Variants in GPATCH2 observed in about 807,000 individuals in gnomAD.
GPATCH2 encodes G-patch domain containing 2.
Under a neutral mutation model 58.0 loss-of-function variants are expected in GPATCH2, and 51 were observed. The observed-to-expected ratio is 0.88, with a 90% CI of 0.70 to 1.11. The LOEUF (loss-of-function observed/expected upper bound fraction) is 1.11. Ranked by LOEUF, GPATCH2 falls within the 50% of genes most tolerant of loss-of-function variation. GPATCH2 has a pLI of 0.00. For synonymous variants in GPATCH2, 222 were observed against 218.5 expected, an observed-to-expected ratio of 1.02 and a Z score of -0.14; for missense variants, 625 against 652.2, an observed-to-expected ratio of 0.96 and a Z score of 0.45.
chr1:217,548,781 C>T (rs1400136404), intron 5 of GPATCH2, among the ~76,000 whole-genome samples: 1 of 152,092 alleles, frequency 6.6e-6, no homozygotes, highest in Non-Finnish European at 1.5e-5. Flanking sequence ...TGGCATTTCC[C>T]CTGCTGGCAC....
intron 5 of GPATCH2, among the ~76,000 whole-genome samples, chr1:217,523,943 C>CG (rs1425257643): frequency 5.5e-5 from 7 of 127,318 alleles, no homozygotes; most frequent in African/African-American, 8.4e-5. Flanking sequence ...GTTGGCCGGG[C>CG]GGGGGGCTGA....
intron 5 of GPATCH2, among the ~76,000 whole-genome samples, chr1:217,531,847 T>A (rs527608246): frequency 1.9e-4 from 29 of 152,302 alleles, no homozygotes; most frequent in African/African-American, 5.1e-4. Context: ...GCAGGATATA[T>A]CATATGTGCT....
chr1:217,489,366 T>C (rs1215189400), intron 8 of GPATCH2, among the ~76,000 whole-genome samples: 2 of 151,982 alleles, frequency 1.3e-5, no homozygotes, highest in African/African-American at 4.9e-5. Flanking sequence ...CAATGAATAC[T>C]TAATGTAGTC....
At chr1:217,499,301 C>T (rs546812341) in intron 6 of GPATCH2, among the ~76,000 whole-genome samples, 56 of 152,252 alleles carry the variant, frequency 3.7e-4, no homozygotes, top group African/African-American at 1.3e-3. Context: ...TGTTTTATTT[C>T]CCATCTTCAT....
intron 1 of GPATCH2, among the ~76,000 whole-genome samples, chr1:217,629,715 C>T (rs1669645574): frequency 6.6e-6 from 1 of 152,134 alleles, no homozygotes; most frequent in African/African-American, 2.4e-5. Flanking sequence ...AAAAATTGTG[C>T]ATTTCATTCT....
At chr1:217,530,891 A>G (rs1664154448) in intron 5 of GPATCH2, among the ~76,000 whole-genome samples, 1 of 152,128 alleles carries the variant, frequency 6.6e-6, no homozygotes, top group South Asian at 2.1e-4. Context: ...AGCTATAATA[A>G]TCGTCTCTAA....
chr1:217,514,955 G>A lies in GPATCH2; in HGVS notation c.1099-66C>T, dbSNP rs1663050293. ...GTTTATAAAACGACCATGGATAATAGTGATATATCAATTTGAAGACATCAC... is the reference window on the plus strand; with the variant it reads ...GTTTATAAAACGACCATGGATAATAATGATATATCAATTTGAAGACATCAC... On this transcript the variant is annotated intron_variant, in intron 5 of 9. Coordinates refer to ENST00000366935, the MANE Select transcript of GPATCH2 (RefSeq NM_018040.5). 6 of 753,466 alleles carry A rather than the reference G, an allele frequency of 8.0e-6. 1 individual carries two copies. In the South Asian group the frequency reaches 8.8e-5, roughly 11 times the overall value. 46.7% of individuals were successfully genotyped at this position (753,466 alleles called of 1,614,324 possible).
chr1:217,464,235 T>C (rs1432499819), intron 8 of GPATCH2, among the ~76,000 whole-genome samples: 1 of 152,168 alleles, frequency 6.6e-6, no homozygotes, highest in Non-Finnish European at 1.5e-5. Flanking sequence ...TGAAAACCCC[T>C]GGACACCAAT....
chr1:217,568,251 A>C (rs150526401), intron 5 of GPATCH2, among the ~76,000 whole-genome samples: 1 of 152,350 alleles, frequency 6.6e-6, no homozygotes, highest in Admixed American at 6.5e-5. Flanking sequence ...ATGGTTATTA[A>C]TATATACTTA....
At chr1:217,617,343 C>T (rs1397766416) in intron 2 of GPATCH2, among the ~76,000 whole-genome samples, 1 of 152,180 alleles carries the variant, frequency 6.6e-6, no homozygotes, top group Admixed American at 6.5e-5. Flanking sequence ...TTACTACTTG[C>T]TTTAAAGCAC....
At chr1:217,521,502 G>C (rs1482881172) in intron 5 of GPATCH2, among the ~76,000 whole-genome samples, 1 of 152,080 alleles carries the variant, frequency 6.6e-6, no homozygotes, top group Non-Finnish European at 1.5e-5. Flanking sequence ...GTAACTTCTG[G>C]GTAGCATGCG....
At position 217,608,762 on chromosome 1, in the gene GPATCH2, T is replaced by G. The variant is rs556795408; in HGVS notation, c.1098+1559A>C. 2.9e-5 allele frequency: 28 copies of G among 982,434 alleles called. No homozygotes were observed. In the African/African-American group the frequency reaches 4.5e-4, roughly 16 times the overall value. 60.9% of individuals were successfully genotyped at this position (982,434 alleles called of 1,614,324 possible). A position where few individuals can be genotyped will look rare whatever the true frequency, so the allele number is the denominator to read the frequency against. On this transcript the variant is annotated intron_variant, in intron 5 of 9. Transcript: ENST00000366935. ...ATTTATGTAATTCAGAAAAAAAACA[T>G]GAATTTTCACTCCAAAGACATAGCA...
intron 6 of GPATCH2, 193 bp from the exon 7 acceptor site, chr1:217,498,588 G>T: frequency 3.4e-6 from 2 of 589,498 alleles, no homozygotes; most frequent in Non-Finnish European, 6.0e-6. Context: ...CTCATAACCT[G>T]GTAATTTTCA....
chr1:217,585,935 C>T (rs958699609), intron 5 of GPATCH2, among the ~76,000 whole-genome samples: 9 of 152,118 alleles, frequency 5.9e-5, no homozygotes, highest in Admixed American at 5.2e-4. Context: ...ATATATGCAA[C>T]TCTAACACAA....
intron 5 of GPATCH2, among the ~76,000 whole-genome samples, chr1:217,526,724 TG>T (rs774774556): frequency 3.5e-4 from 53 of 152,208 alleles, no homozygotes; most frequent in Non-Finnish European, 6.8e-4. Context: ...CAAATCTGGT[TG>T]TTTATAGCAG....
chr1:217,594,990 CAT>C (rs1484812756), intron 5 of GPATCH2, among the ~76,000 whole-genome samples: 6 of 152,128 alleles, frequency 3.9e-5, no homozygotes, highest in Non-Finnish European at 8.8e-5. Context: ...CAGTAACAAA[CAT>C]ATGATTACAG....
intron 8 of GPATCH2, among the ~76,000 whole-genome samples, chr1:217,482,711 T>C (rs927341072): frequency 2.0e-4 from 30 of 152,090 alleles, no homozygotes; most frequent in Non-Finnish European, 4.0e-4. Flanking sequence ...TAAAAAAAAA[T>C]AGTTTGAAGA....
At position 217,611,031 on chromosome 1, in the gene GPATCH2, T is replaced by C. The variant is rs776926857; in HGVS notation, c.876A>G (p.Ser292=). 6.2e-7 allele frequency: 1 copy of C among 1,613,622 alleles called. No individual in the cohort carries two copies. The highest frequency in any genetic ancestry group is 8.5e-7 in the Non-Finnish European group (1 of 1,179,756). The change falls in exon 4 of 10, where the codon TCA becomes TCG. Residue 292 remains serine, a synonymous_variant. Transcript: ENST00000366935. ...CTCCAGTGATACCACATGCTCCACCTGATTCCTTTTCGTAGAACCAGTCAC... is the reference window on the plus strand; with the variant it reads ...CTCCAGTGATACCACATGCTCCACCCGATTCCTTTTCGTAGAACCAGTCAC... The part of the protein sequence containing the change: ...EQSDWFYEKE[S]GGACGITGVV...
chr1:217,589,034 C>T (rs1667471025), intron 5 of GPATCH2, among the ~76,000 whole-genome samples: 1 of 152,080 alleles, frequency 6.6e-6, no homozygotes, highest in African/African-American at 2.4e-5. Context: ...TATGAACAGG[C>T]CATGACAGCA....
Sources: gnomAD v4.1 joint callset for allele counts (sites outside exome capture counted in the v4.1 genomes callset) on GRCh38, gnomAD v4.1.1 for gene constraint, MANE v1.5 for transcripts, NCBI Gene and HGNC (gene_info 2026-07-23, HGNC 2026-07-21) for gene names.